PDE4B: variants seen among roughly 807,000 people sequenced by gnomAD.
PDE4B encodes the protein 3',5'-cyclic-AMP phosphodiesterase 4B.
Under a neutral mutation model 82.2 loss-of-function variants are expected in PDE4B, and 20 were observed. That is an observed-to-expected ratio of 0.24 (90% CI 0.17 to 0.35). The LOEUF (loss-of-function observed/expected upper bound fraction) is 0.35, where lower values mean the gene tolerates loss of function less well. PDE4B is among the 10% of genes least tolerant of loss of function. PDE4B has a pLI of 1.00. For synonymous variants in PDE4B, 320 were observed against 318.9 expected (o/e 1.00, Z -0.04); for missense variants, 655 against 907.2 (o/e 0.72, Z 3.57).
chr1:66,027,073 C>G (rs1437423012), intron 3 of PDE4B, among the ~76,000 whole-genome samples: 1 of 152,248 alleles, frequency 6.6e-6, no homozygotes, highest in South Asian at 2.1e-4. Flanking sequence ...ATGTATTTTA[C>G]TTTTTAATAT....
At chr1:65,827,534 A>T (rs576146963) in intron 1 of PDE4B, among the ~76,000 whole-genome samples, 22 of 152,268 alleles carry the variant, frequency 1.4e-4, no homozygotes, top group Admixed American at 1.2e-3. Context: ...GGACTTACAT[A>T]GTTGGGGAAA....
intron 3 of PDE4B, among the ~76,000 whole-genome samples, chr1:66,219,714 C>T (rs1650813136): frequency 6.6e-6 from 1 of 152,098 alleles, no homozygotes; most frequent in Admixed American, 6.6e-5. Context: ...TTGGGATCTT[C>T]AGATCAAACA....
intron 3 of PDE4B, among the ~76,000 whole-genome samples, chr1:66,055,808 G>C (rs1411918277): frequency 6.6e-6 from 1 of 152,136 alleles, no homozygotes; most frequent in Admixed American, 6.6e-5. Context: ...AGCACACTCT[G>C]AAAAAATTTT....
chr1:65,826,199 T>G (rs1646015703), intron 1 of PDE4B, among the ~76,000 whole-genome samples: 1 of 152,192 alleles, frequency 6.6e-6, no homozygotes, highest in Non-Finnish European at 1.5e-5. Flanking sequence ...TCTTGATACT[T>G]CTTGCAAAAT....
chr1:66,186,390 A>C (rs370846154), intron 3 of PDE4B, among the ~76,000 whole-genome samples: 2 of 152,156 alleles, frequency 1.3e-5, no homozygotes, highest in Non-Finnish European at 2.9e-5. Context: ...TGGTAACTTG[A>C]TGGAGATAGC....
chr1:66,179,454 A>G (rs1482615386), intron 3 of PDE4B, among the ~76,000 whole-genome samples: 3 of 152,126 alleles, frequency 2.0e-5, no homozygotes, highest in African/African-American at 7.2e-5. Context: ...AGTGAGAACT[A>G]CTCATTGCAA....
At chr1:66,308,419 G>A (rs983869704) in intron 7 of PDE4B, among the ~76,000 whole-genome samples, 3 of 152,082 alleles carry the variant, frequency 2.0e-5, no homozygotes, top group African/African-American at 4.8e-5. Flanking sequence ...TTAATAAAAT[G>A]AACATACCTA....
At chr1:65,931,203 G>A (rs1274078654) in intron 3 of PDE4B, among the ~76,000 whole-genome samples, 1 of 152,228 alleles carries the variant, frequency 6.6e-6, no homozygotes, top group East Asian at 1.9e-4. Context: ...ATGATTGTAA[G>A]TTTCCTGAGA....
At chr1:65,915,196 A>T (rs747686033) in intron 2 of PDE4B, among the ~76,000 whole-genome samples, 3 of 152,152 alleles carry the variant, frequency 2.0e-5, no homozygotes, top group Non-Finnish European at 4.4e-5. Context: ...ATATTAGGAG[A>T]TTGTTTCAAA....
chr1:65,883,941 T>TTA (rs1455634667), intron 1 of PDE4B, among the ~76,000 whole-genome samples: 1 of 152,194 alleles, frequency 6.6e-6, no homozygotes, highest in African/African-American at 2.4e-5. Flanking sequence ...TTGGTTCTGT[T>TTA]TATATGCTGG....
chr1:66,023,559 G>A (rs1653263993), intron 3 of PDE4B, among the ~76,000 whole-genome samples: 1 of 152,152 alleles, frequency 6.6e-6, no homozygotes, highest in South Asian at 2.1e-4. Flanking sequence ...TGCAATAGCA[G>A]GCCCTATAGT....
At chr1:66,354,613 T>C in intron 8 of PDE4B, 1 of 1,350,354 alleles carries the variant, frequency 7.4e-7, no homozygotes, top group Non-Finnish European at 9.5e-7. Flanking sequence ...TTCATTACTC[T>C]CTTCTGCCAG....
chr1:66,035,213 G>T (rs922087497), intron 3 of PDE4B, among the ~76,000 whole-genome samples: 10 of 152,054 alleles, frequency 6.6e-5, no homozygotes, highest in Non-Finnish European at 1.0e-4. Context: ...AATAGTAATT[G>T]TGTATATTTA....
intron 3 of PDE4B, among the ~76,000 whole-genome samples, chr1:66,188,735 C>A (rs547030207): frequency 6.6e-6 from 1 of 151,730 alleles, no homozygotes; most frequent in African/African-American, 2.4e-5. Context: ...TGTCTCTGCA[C>A]ATGAGATGGG....
intron 7 of PDE4B, among the ~76,000 whole-genome samples, chr1:66,297,055 G>A (rs1424179909): frequency 1.3e-5 from 2 of 152,008 alleles, no homozygotes; most frequent in African/African-American, 2.4e-5. Context: ...ATCGCCCATC[G>A]GCATTTGACT....
intron 7 of PDE4B, among the ~76,000 whole-genome samples, chr1:66,288,664 G>A (rs1007126370): frequency 2.0e-5 from 3 of 152,114 alleles, no homozygotes; most frequent in African/African-American, 7.2e-5. Context: ...GTTTTCTGAA[G>A]CTCAAGCTAG....
In PDE4B at chr1:66,117,641, G is replaced by A. The variant is rs1041664012; in HGVS notation, c.282-129819G>A. On this transcript the variant is annotated intron_variant, in intron 3 of 16. Coordinates refer to ENST00000341517, the MANE Select transcript of PDE4B (RefSeq NM_002600.4). ...TACCCAGCATATAGCTTTATCCATA[G>A]TGAGTACTCAATTTTTCATTGATAA... Among the ~76,000 whole-genome samples, 3 of 151,986 alleles carry A rather than the reference G, an allele frequency of 2.0e-5. No individual in the cohort carries two copies. In the South Asian group the frequency reaches 6.2e-4, roughly 32 times the overall value.
rs187092435 is a variant in PDE4B, at chr1:66,214,889, A to T, written c.282-32571A>T. On this transcript the variant is annotated intron_variant, in intron 3 of 16. Transcript: ENST00000341517. ...ATAAAACTGAAAGTGATCCCCTCTCATATCATGACCTTGTTGGAAGAAGTA... is the reference window on the plus strand; with the variant it reads ...ATAAAACTGAAAGTGATCCCCTCTCTTATCATGACCTTGTTGGAAGAAGTA... 2.8e-4 allele frequency among the ~76,000 whole-genome samples: 43 copies of T among 152,322 alleles called. No homozygotes were observed. In the East Asian group the frequency reaches 8.1e-3, roughly 29 times the overall value.
intron 1 of PDE4B, among the ~76,000 whole-genome samples, chr1:65,809,147 A>G (rs1645790313): frequency 6.6e-6 from 1 of 151,876 alleles, no homozygotes; most frequent in African/African-American, 2.4e-5. Flanking sequence ...CCTGGTCAAC[A>G]TGATGAAACC....
Sources: gnomAD v4.1 joint callset for allele counts (sites outside exome capture counted in the v4.1 genomes callset) on GRCh38, gnomAD v4.1.1 for gene constraint, MANE v1.5 for transcripts, NCBI Gene and HGNC (gene_info 2026-07-23, HGNC 2026-07-21) for gene names.